The following ADGRL3 variants were observed in gnomAD, a reference collection of about 807,000 sequenced individuals.
ADGRL3 encodes adhesion G protein-coupled receptor L3.
ADGRL3 carries 62 observed loss-of-function variants against 153.5 expected under a neutral mutation model. That is an observed-to-expected ratio of 0.40 (90% CI 0.33 to 0.50). The LOEUF (loss-of-function observed/expected upper bound fraction) is 0.50. Among genes scored for constraint, ADGRL3 ranks in the 20% least tolerant of loss-of-function variants. The pLI is 0.47. For synonymous variants in ADGRL3, 710 were observed against 672.5 expected (o/e 1.06, Z -0.86); for missense variants, 1,641 against 1,859.4 (o/e 0.88, Z 2.16).
intron 9 of ADGRL3, among the ~76,000 whole-genome samples, chr4:61,836,878 A>T (rs1303622589): frequency 1.3e-5 from 2 of 152,158 alleles, no homozygotes; most frequent in African/African-American, 4.8e-5. Flanking sequence ...ACTGAATAAT[A>T]CAAGAAAAAT....
chr4:61,569,218 C>T (rs2098828714), intron 4 of ADGRL3, among the ~76,000 whole-genome samples: 1 of 152,072 alleles, frequency 6.6e-6, no homozygotes, highest in African/African-American at 2.4e-5. Flanking sequence ...TTTCATAATA[C>T]ATGTTATGAT....
At chr4:61,226,019 T>C (rs926517339) in intron 1 of ADGRL3, among the ~76,000 whole-genome samples, 2 of 152,182 alleles carry the variant, frequency 1.3e-5, no homozygotes, top group Admixed American at 6.5e-5. Context: ...TCTCAGAGTA[T>C]TCCCCACTCC....
chr4:61,803,687 C>A (rs192497852), intron 8 of ADGRL3, among the ~76,000 whole-genome samples: 152 of 152,072 alleles, frequency 1.0e-3, no homozygotes, highest in Admixed American at 1.6e-3. Context: ...ATTAAGATAT[C>A]TGTTAAAGAA....
intron 8 of ADGRL3, among the ~76,000 whole-genome samples, chr4:61,811,652 G>C (rs73823242): frequency 0.054 from 8,141 of 152,142 alleles, 367 homozygotes; most frequent in African/African-American, 0.12. Context: ...GCTTAATTCA[G>C]ATATATATAC....
chr4:61,431,878 A>C (rs2097359945), intron 2 of ADGRL3, among the ~76,000 whole-genome samples: 1 of 152,300 alleles, frequency 6.6e-6, no homozygotes, highest in Admixed American at 6.5e-5. Flanking sequence ...TAATGAATTT[A>C]TCTCTGCTTT....
intron 19 of ADGRL3, among the ~76,000 whole-genome samples, chr4:61,993,911 A>G (rs991618648): frequency 6.6e-6 from 1 of 152,172 alleles, no homozygotes; most frequent in Non-Finnish European, 1.5e-5. Flanking sequence ...CGTCACAACA[A>G]AAGGGTAACT....
intron 4 of ADGRL3, among the ~76,000 whole-genome samples, chr4:61,581,414 A>G (rs2098924816): frequency 6.6e-6 from 1 of 152,040 alleles, no homozygotes; most frequent in African/African-American, 2.4e-5. Flanking sequence ...GCAAAGAGTA[A>G]TTTTGAGAAC....
intron 1 of ADGRL3, among the ~76,000 whole-genome samples, chr4:61,245,930 A>G (rs1756874325): frequency 6.6e-6 from 1 of 151,980 alleles, no homozygotes; most frequent in Admixed American, 6.6e-5. Flanking sequence ...TTTCTTTTAC[A>G]AGATTTTTCA....
In ADGRL3 at chr4:61,970,879, CT is replaced by C. The variant is rs1334006329; in HGVS notation, c.2806-8683del. ...AGAGCTTGTGAGGTGACCTCTGTGT[CT>C]GATGACCTGGTTCTCAAGAGTTAGA... On this transcript the variant is annotated intron_variant, in intron 17 of 26. Coordinates refer to ENST00000683033, the MANE Select transcript of ADGRL3 (RefSeq NM_001387552.1). Among the ~76,000 whole-genome samples the C allele has an allele frequency of 1.6e-4, 24 of 152,252 alleles. No homozygotes were observed. The East Asian group carries it at 4.5e-3, about 28-fold the overall frequency.
chr4:61,775,318 T>C (rs867210598), intron 8 of ADGRL3: 16 of 318,224 alleles, frequency 5.0e-5, no homozygotes, highest in South Asian at 4.0e-4. Context: ...GTTCTAGAGT[T>C]AAGAATTTGA....
chr4:61,863,935 A>G (rs1021590858), intron 9 of ADGRL3, among the ~76,000 whole-genome samples: 5 of 152,202 alleles, frequency 3.3e-5, no homozygotes, highest in African/African-American at 7.2e-5. Context: ...AGTTCTCCCT[A>G]TGAAGGTTTG....
intron 4 of ADGRL3, among the ~76,000 whole-genome samples, chr4:61,533,927 C>T (rs1056282542): frequency 2.0e-5 from 3 of 151,984 alleles, no homozygotes; most frequent in Non-Finnish European, 4.4e-5. Context: ...AGGGGATACA[C>T]GTGCAGGTTT....
At chr4:61,913,337 T>C (rs2149859116) in intron 13 of ADGRL3, among the ~76,000 whole-genome samples, 2 of 152,296 alleles carry the variant, frequency 1.3e-5, no homozygotes, top group Middle Eastern at 6.8e-3. Context: ...ACCATACCTA[T>C]GTTTATGGAT....
At chr4:61,642,584 T>G (rs1350336485) in intron 5 of ADGRL3, among the ~76,000 whole-genome samples, 3 of 152,114 alleles carry the variant, frequency 2.0e-5, no homozygotes, top group Admixed American at 6.6e-5. Context: ...GTTCGTCAAA[T>G]ATCAGATAGT....
At chr4:61,747,899 G>A (rs1311746451) in intron 8 of ADGRL3, among the ~76,000 whole-genome samples, 1 of 152,068 alleles carries the variant, frequency 6.6e-6, no homozygotes, top group African/African-American at 2.4e-5. Context: ...ATTCAATTAG[G>A]AAAAGAGGAA....
At chr4:61,558,245 A>G (rs2098777598) in intron 4 of ADGRL3, among the ~76,000 whole-genome samples, 1 of 148,742 alleles carries the variant, frequency 6.7e-6, no homozygotes, top group African/African-American at 2.5e-5. Flanking sequence ...GGCTACAAAA[A>G]TCTTAGGGTA....
chr4:61,683,453 G>T (rs992935990), intron 6 of ADGRL3, among the ~76,000 whole-genome samples: 1 of 152,054 alleles, frequency 6.6e-6, no homozygotes, highest in Non-Finnish European at 1.5e-5. Flanking sequence ...GCAATGAGGG[G>T]ATACAGGGGT....
At chr4:61,701,015 C>A in intron 6 of ADGRL3, among the ~76,000 whole-genome samples, 1 of 152,270 alleles carries the variant, frequency 6.6e-6, no homozygotes, top group Middle Eastern at 3.4e-3. Context: ...AGTGATACCA[C>A]AATACTGTCA....
chr4:61,492,691 A>T (rs1386263115), intron 2 of ADGRL3, among the ~76,000 whole-genome samples: 14 of 152,180 alleles, frequency 9.2e-5, no homozygotes, highest in Non-Finnish European at 2.1e-4. Context: ...TAACAAAAAA[A>T]TTTGAAATTC....
Sources: gnomAD v4.1 joint callset for allele counts (sites outside exome capture counted in the v4.1 genomes callset) on GRCh38, gnomAD v4.1.1 for gene constraint, MANE v1.5 for transcripts, NCBI Gene and HGNC (gene_info 2026-07-23, HGNC 2026-07-21) for gene names.